Variants in ARHGAP5 observed in about 807,000 individuals in gnomAD.
ARHGAP5 encodes Rho GTPase activating protein 5, also known as rho GTPase-activating protein 5.
A neutral mutation model predicts 116.6 loss-of-function variants in ARHGAP5; 23 were observed. The ratio of observed to expected loss-of-function variants is 0.20; its 90% CI spans 0.14 to 0.28. The LOEUF is 0.28. Ranked by LOEUF, ARHGAP5 falls within the 10% of genes least tolerant of loss-of-function variation. The pLI is 1.00. For synonymous variants in ARHGAP5, 574 were observed against 602.0 expected, an observed-to-expected ratio of 0.95 and a Z score of 0.68; for missense variants, 1,405 against 1,774.8, an observed-to-expected ratio of 0.79 and a Z score of 3.74.
chr14:32,141,717 T>G (rs573004943), intron 3 of ARHGAP5, among the ~76,000 whole-genome samples: 73 of 152,318 alleles, frequency 4.8e-4, no homozygotes, highest in African/African-American at 1.7e-3. Flanking sequence ...CTCTCAACTT[T>G]CGTTTATCTA....
intron 3 of ARHGAP5, among the ~76,000 whole-genome samples, chr14:32,123,211 TGCTTGAGGTTTCTGGAGCATCTTA>T (rs1351772111): frequency 1.1e-4 from 16 of 152,050 alleles, no homozygotes; most frequent in Non-Finnish European, 2.4e-4. Flanking sequence ...AAACGACATC[TGCTTGAGGTTTCTGGAGCATCTTA>T]GCTCTCTTAG....
chr14:32,080,706 T>C (rs1302528562), intron 1 of ARHGAP5, among the ~76,000 whole-genome samples: 3 of 152,244 alleles, frequency 2.0e-5, no homozygotes, highest in Non-Finnish European at 1.5e-5. Context: ...GAATCATTCA[T>C]AGAAGAAGAA....
At chr14:32,146,415 AT>A in intron 4 of ARHGAP5, 75 bp downstream of exon 4, 2 of 1,126,586 alleles carry the variant, frequency 1.8e-6, no homozygotes, top group Admixed American at 3.8e-5. Context: ...GAGAAGATTG[AT>A]TTTCATTTGA....
Position 32,159,146 on chromosome 14 carries a change from A to G in ARHGAP5, c.*4198A>G, listed in dbSNP as rs1048598734. 1 of 152,166 alleles carries G rather than the reference A, an allele frequency of 6.6e-6. No individual in the cohort carries two copies. The highest frequency in any genetic ancestry group is 2.4e-5 in the African/African-American group (1 of 41,468). 9.4% of individuals were successfully genotyped at this position (152,166 alleles called of 1,614,324 possible). ...TAATTAGCATTTTAGTTAATACTAA[A>G]TGCATAAAATTATAACCCTTGAAAT... On this transcript the variant is annotated 3_prime_UTR_variant, in exon 7 of 7. Transcript: ENST00000345122.
chr14:32,153,037 G>A (rs1274837169), intron 6 of ARHGAP5, among the ~76,000 whole-genome samples: 1 of 135,874 alleles, frequency 7.4e-6, no homozygotes, highest in Non-Finnish European at 1.6e-5. Context: ...TTAATGAACT[G>A]TATGGTTTTT....
At position 32,091,113 on chromosome 14, in the gene ARHGAP5, A is replaced by G. The variant is rs746694228; in HGVS notation, c.444A>G (p.Gln148=). 5 of 1,613,684 alleles carry G rather than the reference A, an allele frequency of 3.1e-6. No individual in the cohort carries two copies. The highest frequency in any genetic ancestry group is 1.3e-5 in the African/African-American group (1 of 75,034). ...TAGAACAAGACTTTGAACAGAAGCA[A>G]ATGCCTGAAGGGAAGCTCAACGTAG... The part of the protein sequence containing the change: ...LGLEQDFEQK[Q]MPEGKLNVDG... Residue 148 remains glutamine (Q), a synonymous_variant, in exon 2 of 7, where the codon CAA becomes CAG. Transcript: ENST00000345122.
rs898836056 is a variant in ARHGAP5 at position 32,077,304 on chromosome 14, G to A, written c.-300G>A. 1.5e-6 allele frequency: 1 copy of A among 689,214 alleles called. No homozygotes were observed. The highest frequency in any genetic ancestry group is 2.6e-6 in the Non-Finnish European group (1 of 379,656). The allele number at this position is 689,214 out of a possible 1,614,324, so 42.7% of individuals were successfully genotyped here. On this transcript the variant is annotated 5_prime_UTR_variant, in exon 1 of 7. Transcript: ENST00000345122. ...GGACGCGCCGCTCGGTGAGCGCGCC[G>A]AGGAAGAGAGGCGAGCGGAGAGTGG...
intron 2 of ARHGAP5, among the ~76,000 whole-genome samples, chr14:32,101,956 C>A (rs1037080799): frequency 6.6e-6 from 1 of 151,928 alleles, no homozygotes; most frequent in Non-Finnish European, 1.5e-5. Flanking sequence ...GCACTCCAGC[C>A]TGGGCGACAG....
rs1330384068 is a variant in ARHGAP5 at position 32,157,111 on chromosome 14, A to G, written c.*2163A>G. On this transcript the variant is annotated 3_prime_UTR_variant, in exon 7 of 7. Coordinates refer to ENST00000345122, the MANE Select transcript of ARHGAP5 (RefSeq NM_001030055.2). ...TTATCTCCACTTTTCTATGCATTCT[A>G]TCATTGATTTGACACACTTCATAGT... 6.6e-6 allele frequency: 1 copy of G among 152,210 alleles called. No homozygotes were observed. Among genetic ancestry groups the G allele is most frequent in the Non-Finnish European group, 1.5e-5 (1 of 67,756 alleles). The allele number at this position is 152,210 out of a possible 1,614,324, so 9.4% of individuals were successfully genotyped here.
At position 32,158,473 on chromosome 14, in the gene ARHGAP5, A is replaced by G. The variant is rs972560749; in HGVS notation, c.*3525A>G. On this transcript the variant is annotated 3_prime_UTR_variant, in exon 7 of 7. Transcript: ENST00000345122. ...TTGAAAACTATTCTAGTTATAGCAG[A>G]GCTGCTAATATTAACGAATATATTT... The G allele has an allele frequency of 2.6e-5, 4 of 152,106 alleles. No individual in the cohort carries two copies. The highest frequency in any genetic ancestry group is 9.6e-5 in the African/African-American group (4 of 41,564). The allele number at this position is 152,106 out of a possible 1,614,324, so 9.4% of individuals were successfully genotyped here. A position where few individuals can be genotyped will look rare whatever the true frequency, so the allele number is the denominator to read the frequency against.
intron 3 of ARHGAP5, among the ~76,000 whole-genome samples, chr14:32,144,639 A>G (rs773492735): frequency 1.4e-4 from 21 of 152,084 alleles, no homozygotes; most frequent in Admixed American, 6.5e-4. Context: ...GCCCACCACC[A>G]TGCCTAGCTA....
intron 1 of ARHGAP5, among the ~76,000 whole-genome samples, chr14:32,090,197 C>T (rs1878170609): frequency 6.6e-6 from 1 of 151,952 alleles, no homozygotes; most frequent in Non-Finnish European, 1.5e-5. Context: ...GTGGAAAGGA[C>T]TAGCTGTTTC....
At chr14:32,109,444 A>C (rs1185806035) in intron 2 of ARHGAP5, among the ~76,000 whole-genome samples, 1 of 152,124 alleles carries the variant, frequency 6.6e-6, no homozygotes, top group Non-Finnish European at 1.5e-5. Flanking sequence ...TAATTATATT[A>C]TCTCTCATAT....
chr14:32,089,859 T>A (rs2139011783), intron 1 of ARHGAP5, among the ~76,000 whole-genome samples: 1 of 152,096 alleles, frequency 6.6e-6, no homozygotes, highest in South Asian at 2.1e-4. Context: ...GAAGCAGTGA[T>A]CTATGTAAAT....
At chr14:32,133,381 C>T (rs1406012392) in intron 3 of ARHGAP5, among the ~76,000 whole-genome samples, 1 of 151,880 alleles carries the variant, frequency 6.6e-6, no homozygotes, top group Non-Finnish European at 1.5e-5. Flanking sequence ...ATTTGGCTCT[C>T]TGTCTGTTAT....
intron 3 of ARHGAP5, among the ~76,000 whole-genome samples, chr14:32,137,710 C>G (rs1285374186): frequency 6.6e-6 from 1 of 152,038 alleles, no homozygotes; most frequent in Non-Finnish European, 1.5e-5. Context: ...GGGTGGCTCA[C>G]GCCTGTAATC....
rs751394050 is a variant in ARHGAP5, at chr14:32,093,908, C to G, written c.3239C>G (p.Ala1080Gly). Reference sequence around the variant, plus strand: ...AAGCAGACTTCCCGGGTGCCTTTGGCACATCCTGAAGATATGGATCCTTCA... The same window carrying G: ...AAGCAGACTTCCCGGGTGCCTTTGGGACATCCTGAAGATATGGATCCTTCA... ...PRKQTSRVPL[A>G]HPEDMDPSDN... Residue 1080 changes from alanine (A) to glycine (G), a missense_variant, in exon 2 of 7, where the codon GCA (alanine) becomes GGA (glycine). Coordinates refer to ENST00000345122, the MANE Select transcript of ARHGAP5 (RefSeq NM_001030055.2). 2.5e-6 allele frequency: 4 copies of G among 1,614,146 alleles called. No homozygotes were observed. In the Admixed American group the frequency reaches 6.7e-5, roughly 27 times the overall value.
intron 1 of ARHGAP5, among the ~76,000 whole-genome samples, chr14:32,082,432 A>G (rs2138997322): frequency 6.6e-6 from 1 of 152,312 alleles, no homozygotes; most frequent in South Asian, 2.1e-4. Flanking sequence ...CTATTGCTGA[A>G]ACTGATTAGT....
chr14:32,108,530 A>C (rs1879125481), intron 2 of ARHGAP5, among the ~76,000 whole-genome samples: 1 of 152,120 alleles, frequency 6.6e-6, no homozygotes, highest in Admixed American at 6.6e-5. Flanking sequence ...TGGTCCTGGC[A>C]ATAATATGAG....
Sources: gnomAD v4.1 joint callset for allele counts (sites outside exome capture counted in the v4.1 genomes callset) on GRCh38, gnomAD v4.1.1 for gene constraint, MANE v1.5 for transcripts, NCBI Gene and HGNC (gene_info 2026-07-23, HGNC 2026-07-21) for gene names.